Variants in SASH1 observed in about 807,000 individuals in gnomAD.
SASH1 encodes SAM and SH3 domain containing 1, also known as SAM and SH3 domain-containing protein 1.
SASH1 carries 44 observed loss-of-function variants against 125.2 expected under a neutral mutation model. The ratio of observed to expected loss-of-function variants is 0.35; its 90% CI spans 0.28 to 0.45. SASH1 has a LOEUF of 0.45. Among genes scored for constraint, SASH1 ranks in the 20% least tolerant of loss-of-function variants. The pLI is 1.00. For synonymous variants in SASH1, 639 were observed against 649.1 expected, an observed-to-expected ratio of 0.98 and a Z score of 0.24; for missense variants, 1,426 against 1,614.5, an observed-to-expected ratio of 0.88 and a Z score of 2.00.
At chr6:148,438,989 C>T (rs1259116337) in intron 2 of SASH1, among the ~76,000 whole-genome samples, 7 of 152,072 alleles carry the variant, frequency 4.6e-5, no homozygotes, top group African/African-American at 1.7e-4. Flanking sequence ...TACTTTATTG[C>T]TACTTTTATA....
At chr6:148,221,034 AT>A in the SASH1 span, among the ~76,000 whole-genome samples, 1 of 152,174 alleles carries the variant, frequency 6.6e-6, no homozygotes, top group Non-Finnish European at 1.5e-5. Flanking sequence ...ATTTATTCCC[AT>A]TTATTAAAGC....
intron 1 of SASH1, among the ~76,000 whole-genome samples, chr6:148,355,532 A>G (rs1372106039): frequency 6.6e-6 from 1 of 152,204 alleles, no homozygotes; most frequent in Non-Finnish European, 1.5e-5. Flanking sequence ...TCCTTTTTCA[A>G]CAGAAGAAAA....
intron 1 of SASH1, among the ~76,000 whole-genome samples, chr6:148,348,242 C>T (rs1390793220): frequency 3.3e-5 from 5 of 152,188 alleles, no homozygotes; most frequent in African/African-American, 1.2e-4. Flanking sequence ...GATCCACCCA[C>T]CTCGGTCTCC....
rs1408143617 is a variant in SASH1, at chr6:148,546,111, C to T, written c.3445C>T (p.Arg1149Trp). ...RDVAANMDQI[R>W]VKQLRKQHRM... is the part of the protein sequence containing the mutation. ...CGTCGCCGCCAACATGGACCAGATC[C>T]GGGTGAAGCAGCTTCGGAAGCAGCA... is the stretch of plus-strand genomic sequence containing the variant. The change falls in exon 19 of 20, where the codon CGG becomes TGG. Residue 1149 changes from arginine to tryptophan, a missense_variant. This residue lies in a region of SASH1 where 634 missense variants were observed against 694.4 expected (regional missense o/e 0.91). Transcript: ENST00000367467. 3 of 1,614,194 alleles carry T rather than the reference C, an allele frequency of 1.9e-6. No individual in the cohort carries two copies. Among genetic ancestry groups the T allele is most frequent in the Non-Finnish European group, 2.5e-6 (3 of 1,180,032 alleles).
chr6:148,514,515 G>T, intron 9 of SASH1, 59 bp downstream of exon 9: 1 of 1,311,260 alleles, frequency 7.6e-7, no homozygotes, highest in African/African-American at 2.2e-5. Flanking sequence ...TATTCCAAAA[G>T]AAATCATTTG....
intron 7 of SASH1, among the ~76,000 whole-genome samples, chr6:148,486,466 A>C (rs531447147): frequency 6.6e-6 from 1 of 152,220 alleles, no homozygotes; most frequent in South Asian, 2.1e-4. Flanking sequence ...AAAAACTAGA[A>C]ACCTTGTTTC....
chr6:148,440,661 C>G (rs1188173592), intron 4 of SASH1: 6 of 486,728 alleles, frequency 1.2e-5, no homozygotes, highest in Non-Finnish European at 2.2e-5. Flanking sequence ...CTAAATAAAT[C>G]TCCGGAAATA....
At chr6:148,222,435 G>A in the SASH1 span, among the ~76,000 whole-genome samples, 33 of 152,046 alleles carry the variant, frequency 2.2e-4, no homozygotes, top group African/African-American at 7.5e-4. Flanking sequence ...AGGAGATTGG[G>A]GCTGCACCCT....
chr6:148,209,615 C>G, the SASH1 span, among the ~76,000 whole-genome samples: 1 of 152,164 alleles, frequency 6.6e-6, no homozygotes, highest in African/African-American at 2.4e-5. Flanking sequence ...GTCAGCTGTA[C>G]CAAGCATCTT....
At chr6:148,432,122 T>C (rs1371376248) in intron 2 of SASH1, among the ~76,000 whole-genome samples, 2 of 152,040 alleles carry the variant, frequency 1.3e-5, no homozygotes, top group African/African-American at 2.4e-5. Context: ...ATTACAGGCC[T>C]GTGCCACCAC....
At chr6:148,481,236 A>G (rs1050994612) in intron 7 of SASH1, among the ~76,000 whole-genome samples, 1 of 152,074 alleles carries the variant, frequency 6.6e-6, no homozygotes, top group Admixed American at 6.6e-5. Flanking sequence ...AACTGAAAAG[A>G]GTTAGGGCCT....
chr6:148,326,525 C>T (rs992926851), intron 1 of SASH1, among the ~76,000 whole-genome samples: 5 of 148,736 alleles, frequency 3.4e-5, no homozygotes, highest in African/African-American at 1.2e-4. Context: ...GTGCCTTGGT[C>T]TTCTGAGTAG....
At chr6:148,287,737 C>A (rs536892653) in intron 1 of SASH1, among the ~76,000 whole-genome samples, 1 of 152,028 alleles carries the variant, frequency 6.6e-6, no homozygotes, top group East Asian at 1.9e-4. Context: ...TGCAACACCT[C>A]CCAGTTGGGG....
At chr6:148,345,385 C>T (rs1049180044) in intron 1 of SASH1, among the ~76,000 whole-genome samples, 1 of 152,148 alleles carries the variant, frequency 6.6e-6, no homozygotes. Flanking sequence ...AGGGCAGATG[C>T]AGGAGCAAAG....
At chr6:148,451,915 T>A (rs1777117735) in intron 4 of SASH1, among the ~76,000 whole-genome samples, 1 of 151,970 alleles carries the variant, frequency 6.6e-6, no homozygotes, top group South Asian at 2.1e-4. Context: ...GACACCCATG[T>A]TTTCCCCCAG....
chr6:148,328,784 G>A (rs776400621), intron 1 of SASH1, among the ~76,000 whole-genome samples: 6 of 152,094 alleles, frequency 3.9e-5, no homozygotes, highest in Non-Finnish European at 7.4e-5. Context: ...TTGTCCCCTT[G>A]CTGTCATTTA....
intron 4 of SASH1, among the ~76,000 whole-genome samples, chr6:148,456,918 ACTTT>A (rs1273360910): frequency 1.5e-5 from 2 of 131,638 alleles, no homozygotes; most frequent in African/African-American, 5.2e-5. Context: ...AAACAAAGGT[ACTTT>A]CTTTTTAGTA....
intron 2 of SASH1, among the ~76,000 whole-genome samples, chr6:148,408,511 A>G (rs1029427187): frequency 1.3e-5 from 2 of 152,204 alleles, no homozygotes; most frequent in African/African-American, 4.8e-5. Context: ...ATCCAACTCA[A>G]TGTATAAAAG....
chr6:148,402,746 C>T (rs1784225027), intron 2 of SASH1, among the ~76,000 whole-genome samples: 1 of 151,854 alleles, frequency 6.6e-6, no homozygotes, highest in Admixed American at 6.6e-5. Context: ...GTAGCTGGGA[C>T]TACAGGCGCC....
Sources: gnomAD v4.1 joint callset for allele counts (sites outside exome capture counted in the v4.1 genomes callset) on GRCh38, gnomAD v4.1.1 for gene constraint, gnomAD v4.1.1 regional missense constraint, MANE v1.5 for transcripts, NCBI Gene and HGNC (gene_info 2026-07-23, HGNC 2026-07-21) for gene names.